Variants in PROM1 observed in about 807,000 individuals in gnomAD.
PROM1 encodes prominin 1.
PROM1 carries 105 observed loss-of-function variants against 116.9 expected under a neutral mutation model. The ratio of observed to expected loss-of-function variants is 0.90; its 90% CI spans 0.77 to 1.06. The LOEUF (loss-of-function observed/expected upper bound fraction) is 1.06. Ranked by LOEUF, PROM1 falls within the 50% of genes least tolerant of loss-of-function variation. PROM1 has a pLI of 0.00. For synonymous variants in PROM1, 393 were observed against 387.0 expected, an observed-to-expected ratio of 1.02 and a Z score of -0.18; for missense variants, 1,122 against 1,045.2, an observed-to-expected ratio of 1.07 and a Z score of -1.01.
intron 27 of PROM1, 86 bp downstream of exon 27, chr4:15,970,957 T>C (rs1383429326): frequency 5.8e-5 from 59 of 1,025,018 alleles, no homozygotes; most frequent in Non-Finnish European, 3.2e-5. Context: ...AATGTGGCAA[T>C]GTATTAGGAA....
At chr4:16,006,249 T>A (rs1361727706) in intron 13 of PROM1, among the ~76,000 whole-genome samples, 2 of 152,248 alleles carry the variant, frequency 1.3e-5, no homozygotes, top group Admixed American at 6.5e-5. Flanking sequence ...TAGCTGCTTT[T>A]AAAAGGAGCC....
At chr4:16,022,083 A>G (rs530462830) in intron 8 of PROM1, among the ~76,000 whole-genome samples, 3 of 141,916 alleles carry the variant, frequency 2.1e-5, no homozygotes, top group Admixed American at 7.1e-5. Flanking sequence ...AGTAGGGGAG[A>G]GAGGGAAGGA....
In PROM1 at chr4:16,013,308, T is replaced by C. The variant is rs770554881; in HGVS notation, c.1108A>G (p.Arg370Gly). Reference sequence around the variant, plus strand: ...ACAGTCGTGGTTTGGCGTTGTACTCTGTCAGGTATATCATTAAGGGATTGA... The same window carrying C: ...ACAGTCGTGGTTTGGCGTTGTACTCCGTCAGGTATATCATTAAGGGATTGA... Reference protein sequence around the residue: ...GYQSLNDIPDRVQRQTTTVVA... With the variant: ...GYQSLNDIPDGVQRQTTTVVA... The change falls in exon 11 of 28, where the codon AGA becomes GGA. Residue 370 changes from arginine (R) to glycine (G), a missense_variant. Physicochemically the swap from Arg to Gly is moderately radical, Grantham distance 125. Coordinates refer to ENST00000447510, the MANE Select transcript of PROM1 (RefSeq NM_006017.3). 7 of 1,608,810 alleles carry C rather than the reference T, an allele frequency of 4.4e-6. No individual in the cohort carries two copies. The Admixed American group carries it at 6.7e-5, about 15-fold the overall frequency.
intron 8 of PROM1, among the ~76,000 whole-genome samples, chr4:16,023,045 G>A (rs771867363): frequency 2.6e-5 from 4 of 152,092 alleles, no homozygotes; most frequent in African/African-American, 7.2e-5. Flanking sequence ...AAACAAATGC[G>A]TATGGCTGTG....
rs139281185 is a variant in PROM1, at chr4:15,994,600, T to G, written c.1683-529A>C. ...AGACATCTCGATGGTCAGCACAGTT[T>G]GGCTGTAACCTAAGTCAGCCCCCTG... is the stretch of plus-strand genomic sequence containing the variant. On this transcript the variant is annotated intron_variant, in intron 15 of 27. Transcript: ENST00000447510. Among the ~76,000 whole-genome samples, 13 of 152,334 alleles carry G rather than the reference T, an allele frequency of 8.5e-5. No individual in the cohort carries two copies. In the East Asian group the frequency reaches 2.5e-3, roughly 29 times the overall value.
rs1333347275 is a variant in PROM1, at chr4:16,016,152, T to C, written c.1077+14A>G. On this transcript the variant is annotated intron_variant, in intron 10 of 27. Transcript: ENST00000447510. ...GATATAAAATCAGTGATTGTATTTT[T>C]TCCAAAAGCATACCTGTTGGACCAG... is the stretch of plus-strand genomic sequence containing the variant. The C allele has an allele frequency of 6.5e-7, 1 of 1,547,392 alleles. No homozygotes were observed. The highest frequency in any genetic ancestry group is 1.2e-5 in the South Asian group (1 of 83,754).
At chr4:16,060,418 A>G (rs1740036978) in intron 2 of PROM1, among the ~76,000 whole-genome samples, 1 of 152,014 alleles carries the variant, frequency 6.6e-6, no homozygotes, top group Non-Finnish European at 1.5e-5. Context: ...GGCTCAAGCA[A>G]TCCTCCCACT....
At chr4:15,988,023 T>C (rs369166865) in intron 19 of PROM1, among the ~76,000 whole-genome samples, 22 of 152,086 alleles carry the variant, frequency 1.4e-4, no homozygotes, top group African/African-American at 4.8e-4. Flanking sequence ...ACTACAGGCG[T>C]CCTCCACCAC....
chr4:16,004,539 A>G (rs1724669778), intron 13 of PROM1, among the ~76,000 whole-genome samples: 1 of 152,216 alleles, frequency 6.6e-6, no homozygotes, highest in Admixed American at 6.5e-5. Flanking sequence ...AGATGGAAAT[A>G]TAGGTATATA....
intron 13 of PROM1, among the ~76,000 whole-genome samples, chr4:16,004,927 CTTCCTCTT>C (rs869099708): frequency 0.011 from 1,071 of 98,170 alleles, 10 homozygotes; most frequent in Non-Finnish European, 0.019. Flanking sequence ...TCCTTCCTTC[CTTCCTCTT>C]TCTTTTTTTC....
chr4:15,973,191 T>C (rs1042608415), intron 26 of PROM1, among the ~76,000 whole-genome samples: 16 of 152,188 alleles, frequency 1.1e-4, no homozygotes, highest in African/African-American at 3.6e-4. Context: ...CCAAGCGCAG[T>C]GGCTCATGCC....
At chr4:16,019,607 G>T (rs527648557) in intron 8 of PROM1, among the ~76,000 whole-genome samples, 7 of 152,288 alleles carry the variant, frequency 4.6e-5, no homozygotes, top group Non-Finnish European at 1.0e-4. Context: ...TACATGACTA[G>T]GGAGGTAGGG....
intron 20 of PROM1, among the ~76,000 whole-genome samples, chr4:15,986,842 G>T (rs370270867): frequency 2.0e-5 from 3 of 152,206 alleles, no homozygotes; most frequent in Non-Finnish European, 2.9e-5. Flanking sequence ...GGAACATTTA[G>T]TTTTATCCTG....
At chr4:16,052,410 A>G (rs973827771) in intron 2 of PROM1, among the ~76,000 whole-genome samples, 20 of 152,226 alleles carry the variant, frequency 1.3e-4, no homozygotes, top group African/African-American at 4.6e-4. Flanking sequence ...CCGACACAGC[A>G]GAATGCCCCC....
chr4:16,051,368 T>C (rs2149471314), intron 2 of PROM1, among the ~76,000 whole-genome samples: 1 of 152,362 alleles, frequency 6.6e-6, no homozygotes, highest in South Asian at 2.1e-4. Flanking sequence ...AGCCACTCTG[T>C]GCCTTCGTTT....
rs1369088122 is a variant in PROM1, at chr4:16,075,677, C to T, written c.220+10G>A. 6.2e-7 allele frequency: 1 copy of T among 1,605,458 alleles called. No individual in the cohort carries two copies. Among genetic ancestry groups the T allele is most frequent in the Non-Finnish European group, 8.5e-7 (1 of 1,174,446 alleles). Reference sequence around the variant, plus strand: ...GATAAATCCTATCTTTCCCTGCCATCAGCACTTACCTTCTGGGAAATCACG... The same window carrying T: ...GATAAATCCTATCTTTCCCTGCCATTAGCACTTACCTTCTGGGAAATCACG... On this transcript the variant is annotated intron_variant, in intron 2 of 27. Coordinates refer to ENST00000447510, the MANE Select transcript of PROM1 (RefSeq NM_006017.3).
At chr4:16,082,564 C>G (rs1379235631) in intron 1 of PROM1, 7 of 152,256 alleles carry the variant, frequency 4.6e-5, no homozygotes. Flanking sequence ...GGCCTAGCTC[C>G]CTTCTGGGCG....
chr4:16,074,063 C>A (rs1743425649), intron 2 of PROM1, among the ~76,000 whole-genome samples: 1 of 152,054 alleles, frequency 6.6e-6, no homozygotes, highest in Admixed American at 6.6e-5. Context: ...AATTCTATGC[C>A]TTTTATATTA....
At chr4:16,004,839 T>TCCTTCCTA (rs1724845008) in intron 13 of PROM1, among the ~76,000 whole-genome samples, 1 of 139,262 alleles carries the variant, frequency 7.2e-6, no homozygotes, top group Non-Finnish European at 1.5e-5. Flanking sequence ...TTTTCTTCCT[T>TCCTTCCTA]CCTTCCTTCC....
Sources: gnomAD v4.1 joint callset for allele counts (sites outside exome capture counted in the v4.1 genomes callset) on GRCh38, gnomAD v4.1.1 for gene constraint, MANE v1.5 for transcripts, NCBI Gene and HGNC (gene_info 2026-07-23, HGNC 2026-07-21) for gene names.